Variants in GRIN3A observed in about 807,000 individuals in gnomAD.
The protein encoded by GRIN3A is glutamate receptor ionotropic, NMDA 3A.
A neutral mutation model predicts 92.4 loss-of-function variants in GRIN3A; 47 were observed. The observed-to-expected ratio is 0.51, with a 90% CI of 0.40 to 0.65. The LOEUF (loss-of-function observed/expected upper bound fraction) is 0.65, where lower values mean the gene tolerates loss of function less well. Among genes scored for constraint, GRIN3A ranks in the 30% least tolerant of loss-of-function variants. The pLI is 0.00. For synonymous variants in GRIN3A, 527 were observed against 540.6 expected, an observed-to-expected ratio of 0.97 and a Z score of 0.35; for missense variants, 1,324 against 1,393.1, an observed-to-expected ratio of 0.95 and a Z score of 0.79.
rs1829297456 is a variant in GRIN3A, at chr9:101,670,150, C to T, written c.2262G>A (p.Met754Ile). Reference protein sequence around the residue: ...FLMNLWAIFCMFCLSTYTANL... With the variant: ...FLMNLWAIFCIFCLSTYTANL... ...TTGCCGTGTATGTGGAAAGGCAAAA[C>T]ATACAGAAAATGGCCCAAAGGTTCA... Residue 754 changes from methionine to isoleucine, a missense_variant, in exon 3 of 9, where the codon ATG (methionine) becomes ATA (isoleucine). Physicochemically the swap from Met to Ile is conservative, Grantham distance 10 (BLOSUM62 1). Coordinates refer to ENST00000361820, the MANE Select transcript of GRIN3A (RefSeq NM_133445.3). The T allele has an allele frequency of 6.2e-7, 1 of 1,613,624 alleles. No individual in the cohort carries two copies. Among genetic ancestry groups the T allele is most frequent in the South Asian group, 1.1e-5 (1 of 91,076 alleles).
chr9:101,646,505 T>G (rs187883686), intron 3 of GRIN3A, among the ~76,000 whole-genome samples: 1 of 151,992 alleles, frequency 6.6e-6, no homozygotes, highest in Non-Finnish European at 1.5e-5. Flanking sequence ...ATTTGGAGCC[T>G]TTTGGGGTTA....
At chr9:101,584,174 C>G (rs1013546369) in intron 6 of GRIN3A, among the ~76,000 whole-genome samples, 1 of 152,128 alleles carries the variant, frequency 6.6e-6, no homozygotes, top group Non-Finnish European at 1.5e-5. Flanking sequence ...GAGCCAGGGA[C>G]AAATCTCAGG....
At chr9:101,585,494 G>A (rs780551826) in intron 6 of GRIN3A, among the ~76,000 whole-genome samples, 1 of 152,078 alleles carries the variant, frequency 6.6e-6, no homozygotes, top group Non-Finnish European at 1.5e-5. Context: ...CACATTAAAA[G>A]CAAACTCCTA....
At chr9:101,652,931 A>AT (rs35964644) in intron 3 of GRIN3A, among the ~76,000 whole-genome samples, 7 of 151,520 alleles carry the variant, frequency 4.6e-5, no homozygotes, top group South Asian at 2.1e-4. Context: ...CATCCTTGTG[A>AT]TTTTTTTTAG....
Position 101,623,302 on chromosome 9 carries a change from A to G in GRIN3A, c.2614+16T>C, listed in dbSNP as rs1030538389. The G allele has an allele frequency of 2.0e-6, 3 of 1,532,640 alleles. No homozygotes were observed. The highest frequency in any genetic ancestry group is 2.7e-6 in the Non-Finnish European group (3 of 1,105,658). The allele number at this position is 1,532,640 out of a possible 1,614,324, so 94.9% of individuals were successfully genotyped here. On this transcript the variant is annotated intron_variant, in intron 5 of 8. Transcript: ENST00000361820. ...ACATCCTGAGTAAAAGTGAATCAAG[A>G]GTGACTGATTAATACCTTCTATGGC...
intron 3 of GRIN3A, among the ~76,000 whole-genome samples, chr9:101,654,294 T>TAC (rs1829054295): frequency 7.0e-6 from 1 of 143,750 alleles, no homozygotes; most frequent in African/African-American, 2.6e-5. Flanking sequence ...CATATATATA[T>TAC]ACCTATGCAC....
intron 2 of GRIN3A, among the ~76,000 whole-genome samples, chr9:101,680,620 A>G (rs1001838559): frequency 6.6e-6 from 1 of 152,208 alleles, no homozygotes; most frequent in Admixed American, 6.5e-5. Flanking sequence ...GAAGAATAAT[A>G]ACCAAACAGC....
intron 1 of GRIN3A, among the ~76,000 whole-genome samples, chr9:101,701,958 T>C: frequency 2.7e-5 from 1 of 37,564 alleles, no homozygotes; most frequent in East Asian, 3.0e-4. Context: ...TTCTATTCCA[T>C]ACAGATTTTT....
chr9:101,650,628 G>A (rs890236859), intron 3 of GRIN3A, among the ~76,000 whole-genome samples: 4 of 151,972 alleles, frequency 2.6e-5, no homozygotes, highest in South Asian at 4.1e-4. Context: ...GTTGTATGCC[G>A]ATATTTTATG....
chr9:101,724,294 G>A (rs1215440475), intron 1 of GRIN3A, among the ~76,000 whole-genome samples: 1 of 152,198 alleles, frequency 6.6e-6, no homozygotes, highest in Non-Finnish European at 1.5e-5. Flanking sequence ...GAGAAATCAA[G>A]CGCAGCGCCG....
chr9:101,672,568 GC>G (rs1444379004), intron 2 of GRIN3A, among the ~76,000 whole-genome samples: 1 of 152,014 alleles, frequency 6.6e-6, no homozygotes. Flanking sequence ...TTCACCCATT[GC>G]CTGTCACAAA....
At chr9:101,637,210 A>G (rs1411460188) in intron 3 of GRIN3A, among the ~76,000 whole-genome samples, 2 of 151,994 alleles carry the variant, frequency 1.3e-5, no homozygotes, top group African/African-American at 2.4e-5. Flanking sequence ...CTCCTGCCTC[A>G]GCCTCCCGAG....
intron 3 of GRIN3A, among the ~76,000 whole-genome samples, chr9:101,635,358 G>A (rs1588259837): frequency 6.6e-6 from 1 of 152,106 alleles, no homozygotes; most frequent in African/African-American, 2.4e-5. Context: ...ATTGTCTATG[G>A]CTGTTTTTGC....
chr9:101,670,272 A>C lies in GRIN3A; in HGVS notation c.2140T>G (p.Phe714Val). Residue 714 changes from phenylalanine (F) to valine (V), a missense_variant, in exon 3 of 9, where the codon TTC becomes GTC. Physicochemically the swap from Phe to Val is conservative, Grantham distance 50 (BLOSUM62 -1). Coordinates refer to ENST00000361820, the MANE Select transcript of GRIN3A (RefSeq NM_133445.3). Reference protein sequence around the residue: ...TPKGRNRSKVFSFSSALNICY... With the variant: ...TPKGRNRSKVVSFSSALNICY... ...ATGTTCAAGGCTGAAGAAAAGGAGA[A>C]GACTTTACTTCTATTTCGCCCCTTG... The C allele has an allele frequency of 6.2e-7, 1 of 1,614,042 alleles. No individual in the cohort carries two copies.
chr9:101,697,778 G>A (rs868664628), intron 1 of GRIN3A, among the ~76,000 whole-genome samples: 57 of 152,154 alleles, frequency 3.7e-4, no homozygotes, highest in African/African-American at 1.2e-3. Flanking sequence ...CAAATTAAGG[G>A]GCAGGAGTGA....
chr9:101,613,827 G>A (rs1434000594), intron 5 of GRIN3A, among the ~76,000 whole-genome samples: 2 of 152,108 alleles, frequency 1.3e-5, no homozygotes, highest in African/African-American at 4.8e-5. Flanking sequence ...CAATCTTTGA[G>A]GTCTTTATCA....
chr9:101,657,840 T>A (rs1036168347), intron 3 of GRIN3A, among the ~76,000 whole-genome samples: 1 of 151,958 alleles, frequency 6.6e-6, no homozygotes, highest in Non-Finnish European at 1.5e-5. Flanking sequence ...GGAGTAGTGA[T>A]GGTAATGGTG....
intron 6 of GRIN3A, among the ~76,000 whole-genome samples, chr9:101,580,013 C>T (rs549244034): frequency 9.2e-5 from 14 of 152,272 alleles, no homozygotes; most frequent in Non-Finnish European, 1.5e-4. Flanking sequence ...ACCAAAATCT[C>T]CACCCTCGGG....
At chr9:101,689,851 A>T (rs955702915) in intron 1 of GRIN3A, among the ~76,000 whole-genome samples, 1 of 152,222 alleles carries the variant, frequency 6.6e-6, no homozygotes. Flanking sequence ...CAAAAATTAA[A>T]CAAGACCTAT....
Sources: gnomAD v4.1 joint callset for allele counts (sites outside exome capture counted in the v4.1 genomes callset) on GRCh38, gnomAD v4.1.1 for gene constraint, MANE v1.5 for transcripts, NCBI Gene and HGNC (gene_info 2026-07-23, HGNC 2026-07-21) for gene names.